The following FOXP1 variants were observed in gnomAD, a reference collection of about 807,000 sequenced individuals.
FOXP1 encodes forkhead box protein P1.
Under a neutral mutation model 98.2 loss-of-function variants are expected in FOXP1, and 15 were observed. The observed-to-expected ratio is 0.15, with a 90% CI of 0.10 to 0.24. The LOEUF (loss-of-function observed/expected upper bound fraction) is 0.24. FOXP1 is among the 10% of genes least tolerant of loss of function. The probability of loss-of-function intolerance (pLI) is 1.00; values close to 1 mark genes in which losing one functional copy is unlikely to be tolerated. For missense variants in FOXP1, 633 were observed against 848.5 expected (o/e 0.75, Z 3.15); for synonymous variants, 371 against 314.5 (o/e 1.18, Z -1.90).
intron 3 of FOXP1, among the ~76,000 whole-genome samples, chr3:71,440,621 G>A (rs934606922): frequency 6.6e-6 from 1 of 151,862 alleles, no homozygotes; most frequent in African/African-American, 2.4e-5. Flanking sequence ...ACTTGAACCC[G>A]GAAGGCAGAG....
At chr3:71,280,126 C>CAAAAAAAAAA (rs56674677) in intron 5 of FOXP1, among the ~76,000 whole-genome samples, 9 of 106,208 alleles carry the variant, frequency 8.5e-5, no homozygotes, top group African/African-American at 1.8e-4. Context: ...CTGTCTCAAA[C>CAAAAAAAAAA]AAAAAAAAAA....
chr3:70,967,846 G>A (rs2035281277), intron 19 of FOXP1, among the ~76,000 whole-genome samples: 1 of 151,012 alleles, frequency 6.6e-6, no homozygotes, highest in Non-Finnish European at 1.5e-5. Flanking sequence ...CATAAGATAA[G>A]CTCTCATAAG....
At chr3:71,349,878 C>T (rs2077666322) in intron 4 of FOXP1, among the ~76,000 whole-genome samples, 1 of 152,038 alleles carries the variant, frequency 6.6e-6, no homozygotes, top group African/African-American at 2.4e-5. Flanking sequence ...TATTTTTATC[C>T]TCAGGTACCA....
At chr3:71,399,674 T>C (rs1422320660) in intron 3 of FOXP1, among the ~76,000 whole-genome samples, 2 of 152,166 alleles carry the variant, frequency 1.3e-5, no homozygotes, top group African/African-American at 2.4e-5. Context: ...AATTTCCTCT[T>C]ACCACATCTC....
chr3:71,269,958 T>C (rs1576681865), intron 5 of FOXP1, among the ~76,000 whole-genome samples: 1 of 152,154 alleles, frequency 6.6e-6, no homozygotes, highest in Non-Finnish European at 1.5e-5. Context: ...AGGCTGAAAG[T>C]GTTGATTTCT....
At chr3:71,156,317 C>G (rs1177505542) in intron 6 of FOXP1, among the ~76,000 whole-genome samples, 1 of 152,138 alleles carries the variant, frequency 6.6e-6, no homozygotes, top group East Asian at 1.9e-4. Flanking sequence ...TTTCTTTCAT[C>G]ATGCACTCAG....
intron 6 of FOXP1, among the ~76,000 whole-genome samples, chr3:71,128,308 T>TAA (rs5849990): frequency 0.015 from 2,273 of 147,212 alleles, 50 homozygotes; most frequent in African/African-American, 0.044. Flanking sequence ...ACTTGAGAAC[T>TAA]AAAAAAAAAA....
chr3:71,582,666 A>T, intron 1 of FOXP1: 1 of 983,906 alleles, frequency 1.0e-6, no homozygotes, highest in East Asian at 1.2e-4. Flanking sequence ...GGGCGCGGCG[A>T]CTCCTCGCAG....
intron 2 of FOXP1, among the ~76,000 whole-genome samples, chr3:71,506,917 ACCTCC>A (rs1331856558): frequency 5.9e-5 from 9 of 152,182 alleles, no homozygotes; most frequent in Non-Finnish European, 8.8e-5. Context: ...GAAAGTCCCT[ACCTCC>A]AAGCATTGCT....
intron 5 of FOXP1, among the ~76,000 whole-genome samples, chr3:71,222,678 C>T (rs1307364441): frequency 6.6e-6 from 1 of 152,194 alleles, no homozygotes; most frequent in Non-Finnish European, 1.5e-5. Context: ...CTTGGCCTCC[C>T]AAAGCCTTGG....
intron 12 of FOXP1, among the ~76,000 whole-genome samples, chr3:71,001,337 G>C (rs1426578529): frequency 1.3e-5 from 2 of 152,178 alleles, no homozygotes; most frequent in Non-Finnish European, 2.9e-5. Flanking sequence ...AATTCAGCCA[G>C]GGTGGCATTT....
intron 12 of FOXP1, among the ~76,000 whole-genome samples, chr3:71,005,860 A>C (rs1056535566): frequency 6.6e-6 from 1 of 152,120 alleles, no homozygotes; most frequent in African/African-American, 2.4e-5. Flanking sequence ...CATAAAATAA[A>C]TACAGGTCAC....
At chr3:70,997,100 T>A (rs976673418) in intron 13 of FOXP1, among the ~76,000 whole-genome samples, 16 of 152,164 alleles carry the variant, frequency 1.1e-4, no homozygotes, top group Admixed American at 8.5e-4. Context: ...AGGCTTTGGG[T>A]CAGTAATGTG....
At chr3:71,281,741 T>C (rs2071590788) in intron 5 of FOXP1, among the ~76,000 whole-genome samples, 2 of 152,098 alleles carry the variant, frequency 1.3e-5, no homozygotes, top group Non-Finnish European at 2.9e-5. Context: ...TGAGCCCAGG[T>C]CTCTCCTTCT....
At chr3:71,030,378 T>A (rs1380017032) in intron 11 of FOXP1, among the ~76,000 whole-genome samples, 1 of 152,220 alleles carries the variant, frequency 6.6e-6, no homozygotes, top group Non-Finnish European at 1.5e-5. Flanking sequence ...TTATTCACGT[T>A]TGTTCCAGGG....
intron 6 of FOXP1, among the ~76,000 whole-genome samples, chr3:71,118,607 A>T (rs1444398730): frequency 6.6e-6 from 1 of 152,212 alleles, no homozygotes; most frequent in African/African-American, 2.4e-5. Flanking sequence ...TTCAAAAAAT[A>T]TGACTAACTG....
At chr3:71,070,155 T>C (rs1308131229) in intron 7 of FOXP1, among the ~76,000 whole-genome samples, 1 of 152,204 alleles carries the variant, frequency 6.6e-6, no homozygotes, top group African/African-American at 2.4e-5. Flanking sequence ...TTAACTGGAA[T>C]ATATAAATTA....
intron 3 of FOXP1, among the ~76,000 whole-genome samples, chr3:71,423,484 C>A (rs1487640103): frequency 3.9e-5 from 6 of 152,244 alleles, no homozygotes; most frequent in East Asian, 3.8e-4. Flanking sequence ...TCTCCCCTCG[C>A]AAACTGCTCA....
At position 71,331,867 on chromosome 3, in the gene FOXP1, C is replaced by T. The variant is rs765797305; in HGVS notation, c.-73+27283G>A. ...CAGGGTTTGTAAATACACCAATCAA[C>T]ACTCTGTATCTAGCTAATCTAGTGG... On this transcript the variant is annotated intron_variant, in intron 4 of 20. Coordinates refer to ENST00000649528, the MANE Select transcript of FOXP1 (RefSeq NM_001349338.3). 8.1e-4 allele frequency among the ~76,000 whole-genome samples: 112 copies of T among 138,950 alleles called. 1 individual carries two copies. The highest frequency in any genetic ancestry group is 8.0e-4 in the Non-Finnish European group (50 of 62,890). The allele number at this position is 138,950 out of a possible 152,430, so 91.2% of individuals were successfully genotyped here. A position where few individuals can be genotyped will look rare whatever the true frequency, so the allele number is the denominator to read the frequency against.
Sources: gnomAD v4.1 joint callset for allele counts (sites outside exome capture counted in the v4.1 genomes callset) on GRCh38, gnomAD v4.1.1 for gene constraint, MANE v1.5 for transcripts, NCBI Gene and HGNC (gene_info 2026-07-23, HGNC 2026-07-21) for gene names.